SLC9B2: variants seen among roughly 807,000 people sequenced by gnomAD.
SLC9B2 encodes solute carrier family 9 member B2.
SLC9B2 carries 39 observed loss-of-function variants against 52.2 expected under a neutral mutation model. The ratio of observed to expected loss-of-function variants is 0.75; its 90% CI spans 0.58 to 0.98. SLC9B2 has a LOEUF of 0.98. Among genes scored for constraint, SLC9B2 ranks in the 50% least tolerant of loss-of-function variants. SLC9B2 has a pLI of 0.00. For missense variants in SLC9B2, 626 were observed against 637.5 expected (o/e 0.98, Z 0.19); for synonymous variants, 214 against 227.0 (o/e 0.94, Z 0.51).
chr4:103,028,286 T>G (rs563718586), intron 11 of SLC9B2, among the ~76,000 whole-genome samples: 228 of 152,288 alleles, frequency 1.5e-3, no homozygotes, highest in African/African-American at 5.2e-3. Flanking sequence ...AATAAATCTT[T>G]TCTCCATTAC....
At chr4:103,058,188 C>T (rs559615011) in intron 3 of SLC9B2, among the ~76,000 whole-genome samples, 1 of 152,114 alleles carries the variant, frequency 6.6e-6, no homozygotes, top group Non-Finnish European at 1.5e-5. Context: ...TGCCTATGTG[C>T]CCCTCCCCAT....
downstream of SLC9B2, chr4:103,019,554 C>T (rs1457416550): frequency 1.0e-6 from 1 of 983,816 alleles, no homozygotes; most frequent in African/African-American, 1.7e-5. Flanking sequence ...CCGGGACTAG[C>T]GCCAAAGGGC....
At chr4:103,076,786 A>G (rs1404421734), upstream of SLC9B2, 1 of 152,290 alleles carries the variant, frequency 6.6e-6, no homozygotes, top group Non-Finnish European at 1.5e-5. Flanking sequence ...AGAGGAGCAC[A>G]GCGCAGGCTC....
At chr4:103,062,272 A>T (rs571154606) in intron 3 of SLC9B2, among the ~76,000 whole-genome samples, 233 of 152,222 alleles carry the variant, frequency 1.5e-3, no homozygotes, top group African/African-American at 5.2e-3. Flanking sequence ...TACAAAAATT[A>T]GCCGGGCATG....
intron 9 of SLC9B2, among the ~76,000 whole-genome samples, chr4:103,036,769 T>C (rs1372917290): frequency 1.3e-5 from 2 of 152,004 alleles, no homozygotes; most frequent in Non-Finnish European, 2.9e-5. Context: ...AAATTGATAA[T>C]GCTTTTTTGG....
At position 103,050,266 on chromosome 4, in the gene SLC9B2, G is replaced by A. The variant is rs1279351107; in HGVS notation, c.559C>T (p.Arg187Cys). The change falls in exon 5 of 12, where the codon CGT (arginine) becomes TGT (cysteine). Residue 187 changes from arginine (R) to cysteine (C), a missense_variant. Coordinates refer to ENST00000394785, the MANE Select transcript of SLC9B2 (RefSeq NM_178833.7). The part of the protein sequence containing the change: ...RSIALSIILV[R>C]AGLGLDSKAL... ...TTTGAATCCAGACCAAGGCCAGCAC[G>A]AACCAGAATGATAGACAGGGCTATG... The A allele has an allele frequency of 1.0e-5, 16 of 1,600,658 alleles. No homozygotes were observed. Among genetic ancestry groups the A allele is most frequent in the African/African-American group, 2.7e-5 (2 of 74,002 alleles).
intron 10 of SLC9B2, among the ~76,000 whole-genome samples, chr4:103,029,555 G>T (rs778742215): frequency 2.0e-5 from 3 of 152,032 alleles, no homozygotes; most frequent in Non-Finnish European, 4.4e-5. Flanking sequence ...TGTACTGGTC[G>T]TACTGGTCCC....
At chr4:103,054,387 C>T (rs924429328) in intron 4 of SLC9B2, among the ~76,000 whole-genome samples, 1 of 152,194 alleles carries the variant, frequency 6.6e-6, no homozygotes, top group Non-Finnish European at 1.5e-5. Context: ...AATGCAGAAT[C>T]TCAGGCCATG....
chr4:103,072,307 T>C (rs1025431180), intron 1 of SLC9B2, among the ~76,000 whole-genome samples: 1 of 152,182 alleles, frequency 6.6e-6, no homozygotes, highest in African/African-American at 2.4e-5. Flanking sequence ...TCTGCCCGCC[T>C]TGGCCTCCCA....
rs1746127000 is a variant in SLC9B2 at position 103,066,394 on chromosome 4, G to GT, written c.203dup (p.His68GlnfsTer41). ...CCAGCATTTGTCTCAGTCTTTGTAC[G>GT]TGATTTGCTTCAGTTGGTGTTTCTT... is the stretch of plus-strand genomic sequence containing the variant. On this transcript the variant is annotated frameshift_variant, in exon 3 of 12. Coordinates refer to ENST00000394785, the MANE Select transcript of SLC9B2 (RefSeq NM_178833.7). LOFTEE classifies it high-confidence loss of function. The GT allele has an allele frequency of 6.2e-7, 1 of 1,613,942 alleles. No homozygotes were observed. Among genetic ancestry groups the GT allele is most frequent in the African/African-American group, 1.3e-5 (1 of 74,924 alleles).
rs775641550 is a variant in SLC9B2 at position 103,067,584 on chromosome 4, G to T, written c.-34C>A. ...ATTAAGAAGATGACACAGGGAAGAG[G>T]AACGAGATCTGTTTTGAAAGAGTAT... On this transcript the variant is annotated 5_prime_UTR_variant, in exon 2 of 12. Transcript: ENST00000394785. 2 of 1,487,346 alleles carry T rather than the reference G, an allele frequency of 1.3e-6. No individual in the cohort carries two copies. Among genetic ancestry groups the T allele is most frequent in the South Asian group, 1.1e-5 (1 of 88,434 alleles). The allele number at this position is 1,487,346 out of a possible 1,614,324, so 92.1% of individuals were successfully genotyped here. A position where few individuals can be genotyped will look rare whatever the true frequency, so the allele number is the denominator to read the frequency against.
chr4:103,039,381 T>A (rs180970517), intron 9 of SLC9B2, among the ~76,000 whole-genome samples: 1 of 152,316 alleles, frequency 6.6e-6, no homozygotes, highest in East Asian at 1.9e-4. Flanking sequence ...TTAGATAACT[T>A]GCACATGGTC....
In SLC9B2 at chr4:103,031,755, A is replaced by C. The variant is rs772583344; in HGVS notation, c.1200T>G (p.Leu400=). ...AVAWDIFQPL[L]FGLIGAEVSI... ...ATACCTCTGCTCCAATTAGTCCAAA[A>C]AGAAGGGGCTGAAAAATGTCCCAGG... The change falls in exon 10 of 12, where the codon CTT becomes CTG. Residue 400 remains leucine, a synonymous_variant. Transcript: ENST00000394785. 1.7e-5 allele frequency: 28 copies of C among 1,612,902 alleles called. No individual in the cohort carries two copies. In the South Asian group the frequency reaches 3.0e-4, roughly 17 times the overall value.
downstream of SLC9B2, chr4:103,020,267 T>TC (rs1741691371): frequency 2.2e-5 from 9 of 418,200 alleles, no homozygotes; most frequent in African/African-American, 6.4e-5. Context: ...TTTTTTTTTT[T>TC]CCGCATGAAA....
chr4:103,057,065 C>T (rs777908526), intron 4 of SLC9B2, among the ~76,000 whole-genome samples: 9 of 151,758 alleles, frequency 5.9e-5, no homozygotes, highest in Non-Finnish European at 8.8e-5. Flanking sequence ...CTACCATGGC[C>T]GATTTTAAGC....
chr4:103,018,822 T>C (rs1741559796), downstream of SLC9B2, among the ~76,000 whole-genome samples: 1 of 152,202 alleles, frequency 6.6e-6, no homozygotes, highest in Non-Finnish European at 1.5e-5. Flanking sequence ...GGTACAGGTT[T>C]GTGGCCTATT....
intron 9 of SLC9B2, among the ~76,000 whole-genome samples, chr4:103,033,919 C>G (rs926724616): frequency 3.3e-5 from 5 of 152,114 alleles, no homozygotes; most frequent in African/African-American, 1.2e-4. Flanking sequence ...TCCTATCAAA[C>G]TACCAATGAC....
chr4:103,051,433 C>G (rs193269185), intron 4 of SLC9B2, among the ~76,000 whole-genome samples: 1 of 152,328 alleles, frequency 6.6e-6, no homozygotes, highest in East Asian at 1.9e-4. Flanking sequence ...AGAAGAGAGA[C>G]AACCTGCTGC....
downstream of SLC9B2, chr4:103,020,444 C>T (rs1248080180): frequency 7.5e-6 from 3 of 400,202 alleles, no homozygotes; most frequent in East Asian, 7.2e-5. Context: ...CTTAGAAAGA[C>T]AAACTGCCCT....
Sources: gnomAD v4.1 joint callset for allele counts (sites outside exome capture counted in the v4.1 genomes callset) on GRCh38, gnomAD v4.1.1 for gene constraint, MANE v1.5 for transcripts, NCBI Gene and HGNC (gene_info 2026-07-23, HGNC 2026-07-21) for gene names.